Variants in SLC29A1 observed in about 807,000 individuals in gnomAD.
The protein encoded by SLC29A1 is equilibrative nucleoside transporter 1.
A neutral mutation model predicts 48.3 loss-of-function variants in SLC29A1; 22 were observed. The ratio of observed to expected loss-of-function variants is 0.46; its 90% CI spans 0.33 to 0.65. The LOEUF (loss-of-function observed/expected upper bound fraction) is 0.65, where lower values mean the gene tolerates loss of function less well. Among genes scored for constraint, SLC29A1 ranks in the 30% least tolerant of loss-of-function variants. The pLI is 0.03. For synonymous variants in SLC29A1, 228 were observed against 231.0 expected (o/e 0.99, Z 0.12); for missense variants, 491 against 575.3 (o/e 0.85, Z 1.50).
At position 44,229,383 on chromosome 6, in the gene SLC29A1, A is replaced by G. The variant is rs766521757; in HGVS notation, c.30-7A>G. On this transcript the variant is annotated splice_polypyrimidine_tract_variant and splice_region_variant and intron_variant, in intron 2 of 12. Coordinates refer to ENST00000371755, the MANE Select transcript of SLC29A1 (RefSeq NM_001372327.1). This position sits in a 1 kb window ranked among gnomAD's most constrained non-coding sequence, Gnocchi z 5.1. ...TCATTTGGCCCATCTTTCCTCCTCC[A>G]TTGCAGATACAAAGCTGTCTGGCTT... The G allele has an allele frequency of 2.5e-6, 4 of 1,612,170 alleles. No individual in the cohort carries two copies. Among genetic ancestry groups the G allele is most frequent in the African/African-American group, 1.3e-5 (1 of 74,960 alleles).
chr6:44,230,110 A>C (rs1215093514), intron 5 of SLC29A1, 64 bp downstream of exon 5: 17 of 1,589,502 alleles, frequency 1.1e-5, no homozygotes, highest in Non-Finnish European at 1.5e-5. Context: ...CTCTTTTTTC[A>C]GACCCAGCGT....
upstream of SLC29A1, chr6:44,221,818 A>G (rs1429950994): frequency 7.9e-6 from 3 of 379,572 alleles, no homozygotes; most frequent in Non-Finnish European, 1.5e-5. The surrounding 1 kb of genome is among the most constrained non-coding windows in gnomAD (Gnocchi z 4.2). Flanking sequence ...ACTTCTCTCC[A>G]ACAATAACAG....
rs1220673124 is a variant in SLC29A1 at position 44,231,388 on chromosome 6, A to G, written c.791A>G (p.Glu264Gly). 6.2e-7 allele frequency: 1 copy of G among 1,602,548 alleles called. No individual in the cohort carries two copies. The highest frequency in any genetic ancestry group is 2.2e-5 in the East Asian group (1 of 44,768). ...SKGEEPRAGKEESGVSVSNSQ... is the reference protein window; with the variant it reads ...SKGEEPRAGKGESGVSVSNSQ... The stretch of plus-strand genomic sequence containing the variant: ...GGAGAGGAGCCAAGAGCAGGCAAAG[A>G]GGAATCTGGAGTTTCAGTCTCCAAC... Residue 264 changes from glutamate (E) to glycine (G), a missense_variant, in exon 9 of 13, where the codon GAG becomes GGG. Coordinates refer to ENST00000371755, the MANE Select transcript of SLC29A1 (RefSeq NM_001372327.1).
chr6:44,231,109 G>C (rs1362561629), intron 8 of SLC29A1, among the ~76,000 whole-genome samples: 2 of 152,162 alleles, frequency 1.3e-5, no homozygotes, highest in African/African-American at 2.4e-5. Flanking sequence ...GAGGTGTTTG[G>C]ACTAAAGGCA....
upstream of SLC29A1, chr6:44,221,780 G>A (rs1329504588): frequency 1.0e-5 from 5 of 486,046 alleles, no homozygotes; most frequent in Non-Finnish European, 1.8e-5. The surrounding 1 kb of genome is among the most constrained non-coding windows in gnomAD (Gnocchi z 4.2). Flanking sequence ...GTGTTGGCTA[G>A]GGGCCCAGCA....
Position 44,229,529 on chromosome 6 carries a change from ACT to A in SLC29A1, c.112-57_112-56del, listed in dbSNP as rs1385227323. The stretch of plus-strand genomic sequence containing the variant: ...GTGCCCACTGTGCTTGCAGGATCTG[ACT>A]CTGTGCTGGTAGGCACAGGGAAAGA... On this transcript the variant is annotated intron_variant, in intron 3 of 12. Coordinates refer to ENST00000371755, the MANE Select transcript of SLC29A1 (RefSeq NM_001372327.1). The surrounding 1 kb of genome is among the most constrained non-coding windows in gnomAD (Gnocchi z 5.1). 202 of 1,606,952 alleles carry A rather than the reference ACT, an allele frequency of 1.3e-4. 1 individual carries two copies. The South Asian group carries it at 2.0e-3, about 16-fold the overall frequency.
chr6:44,225,779 G>A (rs1451742030), intron 1 of SLC29A1: 1 of 152,256 alleles, frequency 6.6e-6, no homozygotes, highest in African/African-American at 2.4e-5. Context: ...GGAGGGTTGA[G>A]AGGAACTACA....
chr6:44,230,256 G>A (rs1778530796), intron 5 of SLC29A1, 91 bp from the exon 6 acceptor site: 1 of 1,556,246 alleles, frequency 6.4e-7, no homozygotes, highest in East Asian at 2.3e-5. Context: ...GGCTCACCAA[G>A]AGTAAAGTAG....
chr6:44,230,000 T>C lies in SLC29A1; in HGVS notation c.408T>C (p.Ala136=), dbSNP rs764801272. The C allele has an allele frequency of 6.2e-7, 1 of 1,611,812 alleles. No homozygotes were observed. The highest frequency in any genetic ancestry group is 1.7e-5 in the Admixed American group (1 of 60,032). ...TAILVKVQLD[A]LPFFVITMIK... ...TCCTGGTGAAGGTGCAGCTGGATGC[T>C]CTGCCCTTCTTTGTCATCACCATGA... Residue 136 remains alanine, a synonymous_variant, in exon 5 of 13, where the codon GCT becomes GCC. Coordinates refer to ENST00000371755, the MANE Select transcript of SLC29A1 (RefSeq NM_001372327.1). This position sits in a 1 kb window ranked among gnomAD's most constrained non-coding sequence, Gnocchi z 5.1.
In SLC29A1 at chr6:44,229,695, G is replaced by T; in HGVS notation, c.218G>T (p.Arg73Leu). 6.2e-7 allele frequency: 1 copy of T among 1,614,026 alleles called. No homozygotes were observed. The change falls in exon 4 of 13, where the codon CGG becomes CTG. Residue 73 changes from arginine (R) to leucine (L), a missense_variant. Physicochemically the swap from Arg to Leu is moderately radical, Grantham distance 102. Transcript: ENST00000371755. This position sits in a 1 kb window ranked among gnomAD's most constrained non-coding sequence, Gnocchi z 5.1. ...GCCCCTGCAGCACCCTTGCCTGAGC[G>T]GAACTCTCTCAGTGCCATCTTCAAC... ...SAAPAAPLPE[R>L]NSLSAIFNNV...
intron 1 of SLC29A1, among the ~76,000 whole-genome samples, chr6:44,225,379 G>T (rs1777271507): frequency 6.6e-6 from 1 of 151,954 alleles, no homozygotes; most frequent in South Asian, 2.1e-4. Flanking sequence ...GGTGGCAGGA[G>T]CCTGTATTCC....
At chr6:44,230,315 C>T (rs1778543376) in intron 5 of SLC29A1, 32 bp from the exon 6 acceptor site, 6 of 1,597,408 alleles carry the variant, frequency 3.8e-6, no homozygotes, top group Non-Finnish European at 4.3e-6. Flanking sequence ...CCAGCCCTAG[C>T]TCCCCTGCTC....
Position 44,232,952 on chromosome 6 carries a change from CCTTTGCCTT to C in SLC29A1, c.1208_1216del (p.Phe403_Phe405del). The C allele has an allele frequency of 6.2e-7, 1 of 1,614,044 alleles. No individual in the cohort carries two copies. The highest frequency in any genetic ancestry group is 8.5e-7 in the Non-Finnish European group (1 of 1,180,044). On this transcript the variant is annotated inframe_deletion, in exon 12 of 13. Coordinates refer to ENST00000371755, the MANE Select transcript of SLC29A1 (RefSeq NM_001372327.1). The surrounding 1 kb of genome is among the most constrained non-coding windows in gnomAD (Gnocchi z 4.7). ...GCCTGGTTCATCTTCTTCATGGCTG[CCTTTGCCTT>C]CTCCAACGGCTACCTCGCCAGCCTC...
intron 1 of SLC29A1, among the ~76,000 whole-genome samples, chr6:44,225,539 C>T (rs1173648215): frequency 1.3e-5 from 2 of 151,700 alleles, no homozygotes; most frequent in Admixed American, 6.6e-5. Flanking sequence ...AAATCTGAGA[C>T]CTGAGGCTTT....
At position 44,232,855 on chromosome 6, in the gene SLC29A1, G is replaced by T; in HGVS notation, c.1108G>T (p.Val370Leu). ...GCCAAGCCTGGTGCTGGCCCGGCTG[G>T]TGTTTGTGCCACTGCTGCTGCTGTG... Reference protein sequence around the residue: ...WLPSLVLARLVFVPLLLLCNI... With the variant: ...WLPSLVLARLLFVPLLLLCNI... Residue 370 changes from valine (V) to leucine (L), a missense_variant, in exon 12 of 13, where the codon GTG becomes TTG. Coordinates refer to ENST00000371755, the MANE Select transcript of SLC29A1 (RefSeq NM_001372327.1). This position sits in a 1 kb window ranked among gnomAD's most constrained non-coding sequence, Gnocchi z 4.7. The T allele has an allele frequency of 6.2e-7, 1 of 1,613,794 alleles. No individual in the cohort carries two copies. The highest frequency in any genetic ancestry group is 8.5e-7 in the Non-Finnish European group (1 of 1,180,034).
upstream of SLC29A1, chr6:44,219,931 T>G (rs906267758): frequency 2.2e-6 from 1 of 462,646 alleles, no homozygotes; most frequent in Non-Finnish European, 3.5e-6. Flanking sequence ...CTTTGGTTTC[T>G]GGATGCGGGG....
chr6:44,219,672 C>CTGTGGCTA, upstream of SLC29A1: 3 of 1,281,612 alleles, frequency 2.3e-6, no homozygotes, highest in Non-Finnish European at 3.1e-6. Flanking sequence ...CGCTCTCCAG[C>CTGTGGCTA]TGTGGCTATG....
intron 9 of SLC29A1, 137 bp from the exon 10 acceptor site, chr6:44,231,861 T>C: frequency 3.2e-6 from 2 of 620,138 alleles, no homozygotes; most frequent in South Asian, 1.7e-5. Context: ...TGACCTCAGG[T>C]GATCCACCCA....
At chr6:44,230,707 T>TGGGGGGGG in intron 7 of SLC29A1, 42 bp downstream of exon 7, 1 of 251,582 alleles carries the variant, frequency 4.0e-6, no homozygotes, top group Non-Finnish European at 7.6e-6. Context: ...TATAGGGGTC[T>TGGGGGGGG]GGGGTTCCAG....
Sources: allele counts gnomAD v4.1 joint callset (sites outside exome capture counted in the v4.1 genomes callset), GRCh38; gene constraint gnomAD v4.1.1; non-coding constraint Gnocchi (gnomAD v3.1); transcripts MANE v1.5; gene names NCBI Gene and HGNC (gene_info 2026-07-23, HGNC 2026-07-21).